The following RPS6KA2 variants were observed in gnomAD, a reference collection of about 807,000 sequenced individuals.
RPS6KA2 encodes ribosomal protein S6 kinase A2.
Under a neutral mutation model 91.8 loss-of-function variants are expected in RPS6KA2, and 42 were observed. That is an observed-to-expected ratio of 0.46 (90% CI 0.36 to 0.59). RPS6KA2 has a LOEUF of 0.59. Ranked by LOEUF, RPS6KA2 falls within the 20% of genes least tolerant of loss-of-function variation. The probability of loss-of-function intolerance (pLI) is 0.00; values close to 1 mark genes in which losing one functional copy is unlikely to be tolerated. For missense variants in RPS6KA2, 798 were observed against 978.5 expected (o/e 0.82, Z 2.46); for synonymous variants, 414 against 393.6 (o/e 1.05, Z -0.61).
intron 1 of RPS6KA2, among the ~76,000 whole-genome samples, chr6:166,583,322 C>A (rs1785076178): frequency 6.6e-6 from 1 of 152,166 alleles, no homozygotes; most frequent in Non-Finnish European, 1.5e-5. Flanking sequence ...GAGATCACGG[C>A]CTTCTTGGGG....
At chr6:166,699,534 A>G (rs1789450923) in intron 2 of RPS6KA2, among the ~76,000 whole-genome samples, 2 of 152,190 alleles carry the variant, frequency 1.3e-5, no homozygotes, top group Admixed American at 1.3e-4. Context: ...GATCTTTTTA[A>G]AGGGTGATAT....
chr6:166,636,050 C>A (rs1038160645), intron 2 of RPS6KA2, among the ~76,000 whole-genome samples: 1 of 152,176 alleles, frequency 6.6e-6, no homozygotes, highest in African/African-American at 2.4e-5. Flanking sequence ...ATAATAAAAC[C>A]CAAACTCCTC....
At chr6:166,523,302 A>G (rs533600352) in intron 3 of RPS6KA2, among the ~76,000 whole-genome samples, 31 of 152,332 alleles carry the variant, frequency 2.0e-4, no homozygotes, top group African/African-American at 6.7e-4. Flanking sequence ...TTTGTTTGTC[A>G]TCTTATGCAA....
chr6:166,862,448 C>A, exon 1 of RPS6KA2: 1 of 1,217,902 alleles, frequency 8.2e-7, no homozygotes, highest in Non-Finnish European at 1.1e-6. Flanking sequence ...GCTGCTGCCG[C>A]TTCCCGCTCG....
Position 166,419,795 on chromosome 6 carries a change from A to T in RPS6KA2, c.1820+87T>A. ...TTTGCCCACATGCGCACACTAGGAC[A>T]GGGCTGGCCCTGGTCCCCTGACAGA... On this transcript the variant is annotated intron_variant, in intron 18 of 20. Transcript: ENST00000265678. The surrounding 1 kb of genome is among the most constrained non-coding windows in gnomAD (Gnocchi z 5.6). The T allele has an allele frequency of 8.2e-7, 1 of 1,223,514 alleles. No homozygotes were observed. Among genetic ancestry groups the T allele is most frequent in the Non-Finnish European group, 1.2e-6 (1 of 829,288 alleles). The allele number at this position is 1,223,514 out of a possible 1,614,324, so 75.8% of individuals were successfully genotyped here.
chr6:166,453,470 T>C (rs1779984761), intron 12 of RPS6KA2, among the ~76,000 whole-genome samples: 1 of 152,134 alleles, frequency 6.6e-6, no homozygotes, highest in Non-Finnish European at 1.5e-5. Flanking sequence ...ATATAAAAAA[T>C]GCTCAAGATC....
chr6:166,429,081 G>A (rs1426711897), intron 16 of RPS6KA2, among the ~76,000 whole-genome samples: 5 of 151,826 alleles, frequency 3.3e-5, no homozygotes, highest in Admixed American at 2.0e-4. Flanking sequence ...TGTGGCACAT[G>A]TACACCATGG....
intron 5 of RPS6KA2, among the ~76,000 whole-genome samples, chr6:166,507,558 A>G (rs1782283464): frequency 1.3e-5 from 2 of 151,350 alleles, no homozygotes; most frequent in South Asian, 4.2e-4. Context: ...ACACACCCAC[A>G]CACAAACACA....
At chr6:166,686,570 C>T (rs955893211) in intron 2 of RPS6KA2, among the ~76,000 whole-genome samples, 1 of 152,202 alleles carries the variant, frequency 6.6e-6, no homozygotes, top group African/African-American at 2.4e-5. Context: ...ATCCTGCAGC[C>T]CATGTGGCTT....
chr6:166,461,285 G>C (rs969190448), intron 11 of RPS6KA2, among the ~76,000 whole-genome samples: 7 of 152,156 alleles, frequency 4.6e-5, no homozygotes, highest in Non-Finnish European at 1.0e-4. Flanking sequence ...GCTTTCTGCA[G>C]TGAGGCACAG....
chr6:166,672,968 C>T (rs1261232835), intron 2 of RPS6KA2, among the ~76,000 whole-genome samples: 1 of 152,190 alleles, frequency 6.6e-6, no homozygotes, highest in Non-Finnish European at 1.5e-5. Context: ...GGGCTTGCTG[C>T]AGCCAGCTGA....
chr6:166,584,063 C>T (rs1290914788), intron 1 of RPS6KA2, among the ~76,000 whole-genome samples: 1 of 152,198 alleles, frequency 6.6e-6, no homozygotes, highest in African/African-American at 2.4e-5. Context: ...GTGTTTTGCT[C>T]CTTTCTTAGT....
intron 10 of RPS6KA2, among the ~76,000 whole-genome samples, chr6:166,488,217 C>T (rs1428197345): frequency 6.6e-6 from 1 of 150,828 alleles, no homozygotes; most frequent in Non-Finnish European, 1.5e-5. Flanking sequence ...AAACACCCTG[C>T]TCTTGCTGCT....
At chr6:166,839,680 C>T (rs868212756) in intron 2 of RPS6KA2, among the ~76,000 whole-genome samples, 1 of 702 alleles carries the variant, frequency 1.4e-3, no homozygotes, top group Non-Finnish European at 2.9e-3. Context: ...GAAATCAGAG[C>T]AGGAGAGGAG....
At chr6:166,454,396 G>C (rs1780021940) in intron 12 of RPS6KA2, among the ~76,000 whole-genome samples, 1 of 152,300 alleles carries the variant, frequency 6.6e-6, no homozygotes, top group African/African-American at 2.4e-5. Flanking sequence ...TACTCAGGAG[G>C]CTGAGGCAGG....
At chr6:166,464,070 C>G (rs1780430247) in intron 11 of RPS6KA2, among the ~76,000 whole-genome samples, 2 of 152,232 alleles carry the variant, frequency 1.3e-5, no homozygotes, top group Admixed American at 6.5e-5. Context: ...GGAGCAACAG[C>G]TGCATGGAGA....
rs1312552875 is a variant in RPS6KA2 at position 166,554,829 on chromosome 6, G to A, written c.100-16045C>T. Among the ~76,000 whole-genome samples, 1 of 152,220 alleles carries A rather than the reference G, an allele frequency of 6.6e-6. No individual in the cohort carries two copies. Among genetic ancestry groups the A allele is most frequent in the African/African-American group, 2.4e-5 (1 of 41,454 alleles). ...CACTGCCCAGACCAGCAACTCCACA[G>A]CAAGTCAGAAATACAGAGATTGCCC... On this transcript the variant is annotated intron_variant, in intron 1 of 20. Transcript: ENST00000265678. This position sits in a 1 kb window ranked among gnomAD's most constrained non-coding sequence, Gnocchi z 4.3.
chr6:166,414,786 T>C (rs1456040891), intron 19 of RPS6KA2, among the ~76,000 whole-genome samples: 1 of 152,238 alleles, frequency 6.6e-6, no homozygotes. Flanking sequence ...AGAATGCGGC[T>C]GGGCGCGTTG....
intron 1 of RPS6KA2, among the ~76,000 whole-genome samples, chr6:166,593,302 G>A (rs755205505): frequency 7.2e-5 from 11 of 152,132 alleles, no homozygotes; most frequent in East Asian, 1.9e-4. Context: ...AAATAGAAGA[G>A]AATGGAATGG....
Sources: gnomAD v4.1 joint callset for allele counts (sites outside exome capture counted in the v4.1 genomes callset) on GRCh38, gnomAD v4.1.1 for gene constraint, Gnocchi (gnomAD v3.1) non-coding constraint, MANE v1.5 for transcripts, NCBI Gene and HGNC (gene_info 2026-07-23, HGNC 2026-07-21) for gene names.